The following TLK2 variants were observed in gnomAD, a reference collection of about 807,000 sequenced individuals.
TLK2 encodes tousled like kinase 2.
TLK2 carries 6 observed loss-of-function variants against 117.3 expected under a neutral mutation model. That is an observed-to-expected ratio of 0.05 (90% confidence interval 0.03 to 0.10). TLK2 has a LOEUF of 0.10. Ranked by LOEUF, TLK2 falls within the 10% of genes least tolerant of loss-of-function variation. TLK2 has a pLI of 1.00. For missense variants in TLK2, 299 were observed against 901.2 expected (o/e 0.33, Z 8.56); for synonymous variants, 257 against 316.7 (o/e 0.81, Z 2.00).
At chr17:62,542,545 A>G (rs2077612186) in intron 7 of TLK2, among the ~76,000 whole-genome samples, 1 of 152,152 alleles carries the variant, frequency 6.6e-6, no homozygotes, top group Non-Finnish European at 1.5e-5. Flanking sequence ...TTAGTTTGTT[A>G]TTTTAACTAC....
intron 2 of TLK2, among the ~76,000 whole-genome samples, chr17:62,512,347 C>T (rs1463341539): frequency 2.0e-5 from 3 of 151,222 alleles, no homozygotes; most frequent in East Asian, 2.0e-4. Flanking sequence ...CTCAGCCTCC[C>T]GAGTAGCTGG....
chr17:62,519,098 T>G (rs1251526397), intron 2 of TLK2, among the ~76,000 whole-genome samples: 1 of 152,196 alleles, frequency 6.6e-6, no homozygotes, highest in Non-Finnish European at 1.5e-5. Flanking sequence ...TTGGCCAGGC[T>G]GGTCTCTAAC....
At chr17:62,564,656 C>T (rs904454497) in intron 10 of TLK2, among the ~76,000 whole-genome samples, 4 of 151,674 alleles carry the variant, frequency 2.6e-5, no homozygotes, top group East Asian at 1.9e-4. Flanking sequence ...TGCAGTGAGC[C>T]GAGATCATGA....
intron 10 of TLK2, 163 bp downstream of exon 10, chr17:62,560,289 A>G: frequency 2.2e-6 from 1 of 445,402 alleles, no homozygotes; most frequent in Non-Finnish European, 4.0e-6. Context: ...CACCAGACCA[A>G]CCATCCAGAG....
intron 7 of TLK2, among the ~76,000 whole-genome samples, chr17:62,538,847 A>G (rs566987418): frequency 1.3e-5 from 2 of 152,240 alleles, no homozygotes; most frequent in Non-Finnish European, 2.9e-5. Context: ...AGGAAAGAAA[A>G]TAGTAAAAGG....
At chr17:62,497,181 C>T (rs2073785164) in intron 2 of TLK2, among the ~76,000 whole-genome samples, 1 of 151,902 alleles carries the variant, frequency 6.6e-6, no homozygotes, top group African/African-American at 2.4e-5. Flanking sequence ...AGAGGATTAC[C>T]TGAGTCTTGG....
chr17:62,573,431 T>C, intron 12 of TLK2, 64 bp downstream of exon 12: 1 of 1,578,422 alleles, frequency 6.3e-7, no homozygotes, highest in Non-Finnish European at 8.6e-7. Context: ...AAATGTTGAT[T>C]GTCACCGGCA....
chr17:62,595,510 A>G (rs1235730679), intron 16 of TLK2, among the ~76,000 whole-genome samples: 2 of 151,590 alleles, frequency 1.3e-5, no homozygotes, highest in Admixed American at 6.6e-5. Flanking sequence ...GTGTGGTGAC[A>G]TCATGACTGC....
intron 16 of TLK2, among the ~76,000 whole-genome samples, chr17:62,595,638 G>A (rs2082422854): frequency 1.3e-5 from 2 of 151,470 alleles, no homozygotes; most frequent in Admixed American, 1.3e-4. Context: ...GTGTGGCTTA[G>A]CATCATTGAC....
intron 2 of TLK2, chr17:62,507,336 C>T (rs892073976): frequency 3.9e-5 from 6 of 152,028 alleles, no homozygotes; most frequent in African/African-American, 1.4e-4. Context: ...TGTTTATACA[C>T]ATCAAGGAAG....
At chr17:62,610,708 G>A (rs539931404) in intron 21 of TLK2, among the ~76,000 whole-genome samples, 119 of 152,178 alleles carry the variant, frequency 7.8e-4, no homozygotes, top group Non-Finnish European at 1.4e-3. Context: ...GGTCCACAGA[G>A]CAAATGGGAA....
At chr17:62,494,083 T>G (rs905605580) in intron 2 of TLK2, among the ~76,000 whole-genome samples, 1 of 151,990 alleles carries the variant, frequency 6.6e-6, no homozygotes, top group Admixed American at 6.6e-5. Context: ...TTTACTGTAT[T>G]CTATTTTGTT....
intron 7 of TLK2, among the ~76,000 whole-genome samples, chr17:62,539,692 A>G (rs1284102055): frequency 1.3e-5 from 2 of 151,800 alleles, no homozygotes; most frequent in African/African-American, 4.8e-5. Context: ...TGGCCAGGCA[A>G]CATGGTCAAC....
intron 9 of TLK2, among the ~76,000 whole-genome samples, chr17:62,554,340 C>A (rs1446035928): frequency 3.3e-5 from 5 of 152,048 alleles, no homozygotes; most frequent in African/African-American, 1.2e-4. Flanking sequence ...TTTGGGAGGC[C>A]AAGGCAGGTG....
intron 2 of TLK2, chr17:62,516,794 GGGCT>G: frequency 7.2e-7 from 1 of 1,385,344 alleles, no homozygotes; most frequent in South Asian, 1.2e-5. Flanking sequence ...TCCGGGGCCG[GGGCT>G]GGAAAGCTAG....
At chr17:62,550,395 T>C (rs563135631) in intron 7 of TLK2, 1 of 152,382 alleles carries the variant, frequency 6.6e-6, no homozygotes. Flanking sequence ...ATTATATGAT[T>C]GTTTATTCAA....
chr17:62,596,441 A>G, intron 16 of TLK2, 144 bp from the exon 17 acceptor site: 1 of 609,080 alleles, frequency 1.6e-6, no homozygotes, highest in Non-Finnish European at 2.9e-6. Flanking sequence ...GCAAAGAGAA[A>G]AGTCAGATGA....
rs1298581501 is a variant in TLK2, at chr17:62,480,913, A to T, written c.-5-208A>T. On this transcript the variant is annotated intron_variant, in intron 1 of 21. Transcript: ENST00000346027. ...AGGGAAGAAAAAGTGGCTGTCATAG[A>T]AGAGGACTTCTGAGCTGCTTTAAAA... Among the ~76,000 whole-genome samples the T allele has an allele frequency of 2.6e-5, 4 of 152,222 alleles. No individual in the cohort carries two copies. The South Asian group carries it at 6.2e-4, about 24-fold the overall frequency.
intron 2 of TLK2, among the ~76,000 whole-genome samples, chr17:62,489,559 G>A (rs2072883483): frequency 1.3e-5 from 2 of 151,894 alleles, no homozygotes; most frequent in South Asian, 2.1e-4. Flanking sequence ...AGCAGCTAAT[G>A]CAGAGTTCCT....
Sources: allele counts gnomAD v4.1 joint callset (sites outside exome capture counted in the v4.1 genomes callset), GRCh38; gene constraint gnomAD v4.1.1; transcripts MANE v1.5; gene names NCBI Gene and HGNC (gene_info 2026-07-23, HGNC 2026-07-21).